The following AGK variants were observed in gnomAD, a reference collection of about 807,000 sequenced individuals.
AGK encodes the protein acylglycerol kinase, also known as acylglycerol kinase, mitochondrial.
AGK carries 52 observed loss-of-function variants against 66.4 expected under a neutral mutation model. The observed-to-expected ratio is 0.78, with a 90% CI of 0.63 to 0.99. AGK has a LOEUF of 0.99. Among genes scored for constraint, AGK ranks in the 50% least tolerant of loss-of-function variants. The pLI is 0.00. For synonymous variants in AGK, 182 were observed against 181.1 expected (o/e 1.00, Z -0.04); for missense variants, 451 against 506.6 (o/e 0.89, Z 1.05).
chr7:141,622,784 G>A (rs1366926415), intron 9 of AGK, among the ~76,000 whole-genome samples: 3 of 152,206 alleles, frequency 2.0e-5, no homozygotes, highest in Non-Finnish European at 2.9e-5. Context: ...GACCAGGTGC[G>A]GTGGCTCTTG....
chr7:141,582,623 A>T (rs1795904125), intron 2 of AGK, among the ~76,000 whole-genome samples: 1 of 151,948 alleles, frequency 6.6e-6, no homozygotes, highest in Non-Finnish European at 1.5e-5. Flanking sequence ...GGTTTTTTAT[A>T]TTTGATGAAA....
At chr7:141,560,822 A>T (rs936112392) in intron 2 of AGK, among the ~76,000 whole-genome samples, 1 of 110,708 alleles carries the variant, frequency 9.0e-6, no homozygotes, top group African/African-American at 3.5e-5. Context: ...TTTGAGCCGG[A>T]GTCTCGCTCT....
chr7:141,630,272 G>C (rs1416664702), intron 9 of AGK, among the ~76,000 whole-genome samples: 2 of 152,032 alleles, frequency 1.3e-5, no homozygotes, highest in African/African-American at 2.4e-5. Context: ...CCCTAATCTA[G>C]GTACCTTGTT....
intron 9 of AGK, among the ~76,000 whole-genome samples, chr7:141,622,823 A>G (rs1796854358): frequency 6.6e-6 from 1 of 152,178 alleles, no homozygotes; most frequent in Admixed American, 6.5e-5. Flanking sequence ...TGGGAGGTCC[A>G]GGCAGGTGGA....
intron 2 of AGK, among the ~76,000 whole-genome samples, chr7:141,576,894 G>T (rs1795752694): frequency 6.6e-6 from 1 of 151,890 alleles, no homozygotes; most frequent in South Asian, 2.1e-4. Context: ...AAAAAAATTA[G>T]CTGGGTGTGG....
At chr7:141,643,121 T>A (rs1797325919) in intron 13 of AGK, among the ~76,000 whole-genome samples, 1 of 152,228 alleles carries the variant, frequency 6.6e-6, no homozygotes, top group African/African-American at 2.4e-5. Flanking sequence ...ATTCTAATAT[T>A]AATGTTCAGA....
intron 1 of AGK, among the ~76,000 whole-genome samples, chr7:141,554,290 T>A (rs1013431140): frequency 3.3e-5 from 5 of 150,800 alleles, no homozygotes; most frequent in Admixed American, 6.6e-5. Context: ...TAGTGAGCTA[T>A]GATTGTGCCA....
intron 1 of AGK, among the ~76,000 whole-genome samples, chr7:141,551,990 A>C (rs1795100703): frequency 6.6e-6 from 1 of 152,162 alleles, no homozygotes; most frequent in South Asian, 2.1e-4. Flanking sequence ...CCTACCACTC[A>C]AATCTAAATG....
Position 141,653,125 on chromosome 7 carries a change from T to C in AGK, c.*201T>C, listed in dbSNP as rs1797605631. On this transcript the variant is annotated 3_prime_UTR_variant, in exon 16 of 16. Transcript: ENST00000649286. ...TTTGCAATCGGCTTCCATTAGCGCA[T>C]GTTTTATTTTGGTGTGACGGTTGGC... 1.7e-6 allele frequency: 1 copy of C among 574,668 alleles called. No individual in the cohort carries two copies. The highest frequency in any genetic ancestry group is 3.0e-5 in the Admixed American group (1 of 32,902). 35.6% of individuals were successfully genotyped at this position (574,668 alleles called of 1,614,324 possible). A position where few individuals can be genotyped will look rare whatever the true frequency, so the allele number is the denominator to read the frequency against.
chr7:141,553,630 G>T (rs1284164328), intron 1 of AGK, among the ~76,000 whole-genome samples: 1 of 152,188 alleles, frequency 6.6e-6, no homozygotes, highest in African/African-American at 2.4e-5. Flanking sequence ...CTACCATATA[G>T]GTGTTTATTA....
At position 141,641,434 on chromosome 7, in the gene AGK, G is replaced by C. The variant is rs777317655; in HGVS notation, c.877+36G>C. 6.3e-6 allele frequency: 10 copies of C among 1,594,842 alleles called. No homozygotes were observed. In the East Asian group the frequency reaches 6.7e-5, roughly 11 times the overall value. On this transcript the variant is annotated intron_variant, in intron 12 of 15. Transcript: ENST00000649286. ...TGGCGACTAAAGATTGGAGGGCCCT[G>C]GTCAGTTTAGAAGTGCCCTAAAGTA...
chr7:141,652,982 G>A lies in AGK; in HGVS notation c.*58G>A, dbSNP rs562245960. ...TTAGGCCACCGGTGGGACCAAAAGGGAACAGGTGCCTCAGCCATCCCAACA... is the reference window on the plus strand; with the variant it reads ...TTAGGCCACCGGTGGGACCAAAAGGAAACAGGTGCCTCAGCCATCCCAACA... On this transcript the variant is annotated 3_prime_UTR_variant, in exon 16 of 16. Transcript: ENST00000649286. 1,065 of 1,600,240 alleles carry A rather than the reference G, an allele frequency of 6.7e-4. 15 individuals are homozygous for A. In the South Asian group the frequency reaches 0.011, roughly 17 times the overall value.
In AGK at chr7:141,569,992, G is replaced by C. The variant is rs1795564533; in HGVS notation, c.101+14425G>C. Among the ~76,000 whole-genome samples the C allele has an allele frequency of 2.0e-5, 3 of 152,124 alleles. No individual in the cohort carries two copies. In the South Asian group the frequency reaches 6.2e-4, roughly 32 times the overall value. On this transcript the variant is annotated intron_variant, in intron 2 of 15. Transcript: ENST00000649286. ...GCCACTTTCTGGATGTGTGACGTTGGGCAAGTTATTTAACTTGTTAAACTT... is the reference window on the plus strand; with the variant it reads ...GCCACTTTCTGGATGTGTGACGTTGCGCAAGTTATTTAACTTGTTAAACTT...
In AGK at chr7:141,589,781, A is replaced by T. The variant is rs376154075; in HGVS notation, c.102-3365A>T. Among the ~76,000 whole-genome samples the T allele has an allele frequency of 5.9e-5, 9 of 152,288 alleles. No individual in the cohort carries two copies. In the East Asian group the frequency reaches 1.4e-3, roughly 23 times the overall value. On this transcript the variant is annotated intron_variant, in intron 2 of 15. Coordinates refer to ENST00000649286, the MANE Select transcript of AGK (RefSeq NM_018238.4). ...CACCATGTTGGTCAAGCTGGTCTCG[A>T]ACTCCCGACCTCAGGTGATCCGCCC... is the stretch of plus-strand genomic sequence containing the variant.
intron 3 of AGK, 101 bp downstream of exon 3, chr7:141,593,286 C>T (rs1587103995): frequency 9.4e-7 from 1 of 1,063,906 alleles, no homozygotes; most frequent in East Asian, 2.4e-5. Context: ...TGCATCTGTG[C>T]AGTCTGGCTA....
At chr7:141,579,876 G>C (rs1795845220) in intron 2 of AGK, among the ~76,000 whole-genome samples, 1 of 151,964 alleles carries the variant, frequency 6.6e-6, no homozygotes, top group African/African-American at 2.4e-5. Flanking sequence ...GGAAGTTTCA[G>C]TAGGGGAGTA....
chr7:141,579,732 C>T (rs927065596), intron 2 of AGK, among the ~76,000 whole-genome samples: 20 of 151,958 alleles, frequency 1.3e-4, no homozygotes, highest in Middle Eastern at 3.4e-3. Context: ...TTCTAAGAGA[C>T]GGGCTAGCGG....
chr7:141,575,654 C>CTTT (rs58292692), intron 2 of AGK, among the ~76,000 whole-genome samples: 755 of 58,266 alleles, frequency 0.013, 73 homozygotes, highest in Non-Finnish European at 0.016. Context: ...TTACAAAGGC[C>CTTT]TTTTTTTTTT....
At chr7:141,594,899 C>T (rs1796197356) in intron 3 of AGK, among the ~76,000 whole-genome samples, 1 of 152,112 alleles carries the variant, frequency 6.6e-6, no homozygotes, top group South Asian at 2.1e-4. Flanking sequence ...GATCCACTCG[C>T]CTTGGCCTCC....
Sources: gnomAD v4.1 joint callset for allele counts (sites outside exome capture counted in the v4.1 genomes callset) on GRCh38, gnomAD v4.1.1 for gene constraint, MANE v1.5 for transcripts, NCBI Gene and HGNC (gene_info 2026-07-23, HGNC 2026-07-21) for gene names.